RNF17: variants seen among roughly 807,000 people sequenced by gnomAD.
RNF17 encodes the protein spermatogenesis associated 23.
Under a neutral mutation model 200.5 loss-of-function variants are expected in RNF17, and 31 were observed. The ratio of observed to expected loss-of-function variants is 0.15; its 90% CI spans 0.12 to 0.21. The LOEUF is 0.21. Among genes scored for constraint, RNF17 ranks in the 10% least tolerant of loss-of-function variants. The pLI is 1.00. For missense variants in RNF17, 1,628 were observed against 1,905.1 expected, an observed-to-expected ratio of 0.85 and a Z score of 2.71; for synonymous variants, 606 against 637.8, an observed-to-expected ratio of 0.95 and a Z score of 0.75.
At chr13:24,852,360 G>C (rs571931089) in intron 24 of RNF17, among the ~76,000 whole-genome samples, 5 of 151,980 alleles carry the variant, frequency 3.3e-5, no homozygotes, top group East Asian at 1.9e-4. Flanking sequence ...GGATGGCCTC[G>C]ATCTCCTGAC....
rs985050048 is a variant in RNF17 at position 24,830,549 on chromosome 13, A to G, written c.2311A>G (p.Ile771Val). Reference protein sequence around the residue: ...VDFGNTAKITIKDVRKIKDEF... With the variant: ...VDFGNTAKITVKDVRKIKDEF... ...CTTTGGTAATACTGCAAAAATAACAATCAAAGACGTGCGTAAAATAAAGGA... is the reference window on the plus strand; with the variant it reads ...CTTTGGTAATACTGCAAAAATAACAGTCAAAGACGTGCGTAAAATAAAGGA... Residue 771 changes from isoleucine (I) to valine (V), a missense_variant, in exon 17 of 36, where the codon ATC becomes GTC. Coordinates refer to ENST00000255324, the MANE Select transcript of RNF17 (RefSeq NM_031277.3). 1 of 1,612,354 alleles carries G rather than the reference A, an allele frequency of 6.2e-7. No homozygotes were observed. The highest frequency in any genetic ancestry group is 1.7e-5 in the Admixed American group (1 of 59,790).
intron 2 of RNF17, among the ~76,000 whole-genome samples, chr13:24,773,520 G>T (rs997793627): frequency 6.6e-6 from 1 of 152,098 alleles, no homozygotes; most frequent in Admixed American, 6.5e-5. Context: ...GGACATAAAC[G>T]TGGAAACAGT....
intron 15 of RNF17, among the ~76,000 whole-genome samples, chr13:24,805,218 T>C (rs777274676): frequency 2.0e-4 from 31 of 152,162 alleles, no homozygotes; most frequent in Non-Finnish European, 3.7e-4. Context: ...AAAATATACA[T>C]AATATAATTT....
intron 27 of RNF17, among the ~76,000 whole-genome samples, chr13:24,862,104 T>G (rs1434164866): frequency 6.6e-6 from 1 of 152,144 alleles, no homozygotes; most frequent in Non-Finnish European, 1.5e-5. Context: ...CATGATCCAG[T>G]CACCTCCCAC....
At chr13:24,826,205 TTTTTTCTAC>T (rs1888616586) in intron 16 of RNF17, 1 of 495,092 alleles carries the variant, frequency 2.0e-6, no homozygotes, top group Non-Finnish European at 2.6e-6. Context: ...TCTCGATATA[TTTTTTCTAC>T]TTTTTCTACA....
chr13:24,850,429 C>G lies in RNF17; in HGVS notation c.3190C>G (p.Gln1064Glu), dbSNP rs1891750472. The change falls in exon 23 of 36, where the codon CAG (glutamine) becomes GAG (glutamate). Residue 1064 changes from glutamine to glutamate, a missense_variant. Physicochemically the swap from Gln to Glu is conservative, Grantham distance 29 (BLOSUM62 2). Around this residue, in one of 5 missense-constraint regions of RNF17, gnomAD observed 609 missense variants for 681.9 expected, o/e 0.89. Transcript: ENST00000255324. The stretch of plus-strand genomic sequence containing the variant: ...TGGAGCTGTAGCAACTATAATCTTA[C>G]AGGTGGATAGTGAGGTAACAAGTTA... ...LTGAVATIIL[Q>E]VDSEENNTTW... 6.2e-7 allele frequency: 1 copy of G among 1,607,424 alleles called. No homozygotes were observed. The highest frequency in any genetic ancestry group is 8.5e-7 in the Non-Finnish European group (1 of 1,174,504).
chr13:24,885,244 T>C, the RNF17 span: 2 of 1,368,262 alleles, frequency 1.5e-6, no homozygotes, highest in South Asian at 1.2e-5. Context: ...TTATTTTTTA[T>C]AGAATTCATT....
Position 24,873,512 on chromosome 13 carries a change from GTATT to G in RNF17, c.4448-599_4448-596del, listed in dbSNP as rs1894521055. 2.0e-5 allele frequency among the ~76,000 whole-genome samples: 3 copies of G among 152,294 alleles called. No individual in the cohort carries two copies. The South Asian group carries it at 6.2e-4, about 32-fold the overall frequency. Reference sequence around the variant, plus strand: ...CATAGAATGTGTAATTATCAAGACAGTATTTAGGGTATTCATCACCTCGAGCAGT... The same window carrying G: ...CATAGAATGTGTAATTATCAAGACAGTAGGGTATTCATCACCTCGAGCAGT... On this transcript the variant is annotated intron_variant, in intron 32 of 35. Coordinates refer to ENST00000255324, the MANE Select transcript of RNF17 (RefSeq NM_031277.3).
intron 19 of RNF17, among the ~76,000 whole-genome samples, chr13:24,842,429 A>G (rs1380571279): frequency 6.6e-6 from 1 of 152,224 alleles, no homozygotes; most frequent in Non-Finnish European, 1.5e-5. Context: ...CTGCCGTCTT[A>G]TTTCTGCTTA....
intron 9 of RNF17, among the ~76,000 whole-genome samples, chr13:24,790,352 A>G (rs1337747488): frequency 9.2e-5 from 14 of 152,168 alleles, no homozygotes; most frequent in Admixed American, 9.2e-4. Context: ...GGATACATAG[A>G]TGCTAAGTCT....
chr13:24,881,962 CTAGA>C (rs376432592), downstream of RNF17, among the ~76,000 whole-genome samples: 4 of 4,280 alleles, frequency 9.3e-4, 1 homozygote, highest in African/African-American at 3.4e-3. Flanking sequence ...ATAGATACAT[CTAGA>C]TATATAGATA....
At chr13:24,800,285 G>C in intron 12 of RNF17, 81 bp from the exon 13 acceptor site, 1 of 937,298 alleles carries the variant, frequency 1.1e-6, no homozygotes, top group East Asian at 2.5e-5. Flanking sequence ...ATTATACTTA[G>C]AAATGCATAC....
chr13:24,852,257 G>A (rs1275225267), intron 24 of RNF17, among the ~76,000 whole-genome samples: 3 of 151,200 alleles, frequency 2.0e-5, no homozygotes, highest in Admixed American at 6.6e-5. Flanking sequence ...TCCTGCCTCA[G>A]CCTCCTGAGT....
At chr13:24,877,207 A>G in intron 34 of RNF17, 21 bp downstream of exon 34, 1 of 1,583,188 alleles carries the variant, frequency 6.3e-7, no homozygotes, top group Middle Eastern at 1.7e-4. Context: ...CAAGTAGCCA[A>G]AATTATTGTA....
chr13:24,768,454 T>C (rs1476469084), intron 2 of RNF17, among the ~76,000 whole-genome samples: 1 of 151,964 alleles, frequency 6.6e-6, no homozygotes, highest in Non-Finnish European at 1.5e-5. Flanking sequence ...CCGACTAATT[T>C]TTTGTATTTT....
chr13:24,884,342 A>G (rs766338148), downstream of RNF17: 2 of 1,614,146 alleles, frequency 1.2e-6, no homozygotes, highest in Non-Finnish European at 1.7e-6. Flanking sequence ...GTCTGGCATG[A>G]CCTGCTTCAC....
At chr13:24,846,555 A>G (rs1891276589) in intron 22 of RNF17, among the ~76,000 whole-genome samples, 1 of 152,210 alleles carries the variant, frequency 6.6e-6, no homozygotes, top group Admixed American at 6.5e-5. Context: ...TTGATATGCT[A>G]CCACAGTTAT....
intron 11 of RNF17, among the ~76,000 whole-genome samples, chr13:24,797,827 C>T (rs990236182): frequency 2.6e-5 from 4 of 151,652 alleles, no homozygotes; most frequent in Non-Finnish European, 5.9e-5. Flanking sequence ...TTCAGCCACC[C>T]TCGACTCTAG....
intron 28 of RNF17, among the ~76,000 whole-genome samples, chr13:24,862,998 A>AC (rs990755463): frequency 2.2e-4 from 34 of 152,216 alleles, no homozygotes; most frequent in African/African-American, 6.8e-4. Flanking sequence ...AACTTTCATA[A>AC]CCATTAAAGT....
Sources: allele counts gnomAD v4.1 joint callset (sites outside exome capture counted in the v4.1 genomes callset), GRCh38; gene constraint gnomAD v4.1.1; regional missense constraint gnomAD v4.1.1; transcripts MANE v1.5; gene names NCBI Gene and HGNC (gene_info 2026-07-23, HGNC 2026-07-21).